Variants in PANX1 observed in about 807,000 individuals in gnomAD.
The protein encoded by PANX1 is pannexin 1, also known as pannexin-1.
A neutral mutation model predicts 38.7 loss-of-function variants in PANX1; 30 were observed. The observed-to-expected ratio is 0.78, with a 90% CI of 0.58 to 1.05. PANX1 has a LOEUF of 1.05. PANX1 is among the 50% of genes least tolerant of loss of function. PANX1 has a pLI of 0.00. For synonymous variants in PANX1, 230 were observed against 212.2 expected, an observed-to-expected ratio of 1.08 and a Z score of -0.73; for missense variants, 551 against 517.2, an observed-to-expected ratio of 1.07 and a Z score of -0.63.
intron 2 of PANX1, among the ~76,000 whole-genome samples, chr11:94,159,175 G>T (rs137988483): frequency 6.6e-6 from 1 of 151,916 alleles, no homozygotes; most frequent in African/African-American, 2.4e-5. Context: ...GGATTTTTGC[G>T]TCGATGTTCA....
intron 2 of PANX1, among the ~76,000 whole-genome samples, chr11:94,167,010 G>C (rs1186878501): frequency 6.6e-6 from 1 of 152,170 alleles, no homozygotes; most frequent in Non-Finnish European, 1.5e-5. Context: ...TCAGTTGGTG[G>C]TGAAGCCAGC....
At position 94,153,583 on chromosome 11, in the gene PANX1, AACTC is replaced by A; in HGVS notation, c.278_281del (p.Ser93CysfsTer46). On this transcript the variant is annotated frameshift_variant, in exon 2 of 5. Coordinates refer to ENST00000227638, the MANE Select transcript of PANX1 (RefSeq NM_015368.4). LOFTEE classifies it high-confidence loss of function. ...TTGCTGGGCGGCTGTTCAGCAGAAGAACTCACTGCAGAGCGAGTCTGGAAACCTC... is the reference window on the plus strand; with the variant it reads ...TTGCTGGGCGGCTGTTCAGCAGAAGAACTGCAGAGCGAGTCTGGAAACCTC... 2 of 1,613,988 alleles carry A rather than the reference AACTC, an allele frequency of 1.2e-6. No homozygotes were observed. Among genetic ancestry groups the A allele is most frequent in the Non-Finnish European group, 1.7e-6 (2 of 1,179,902 alleles).
chr11:94,177,573 G>A (rs3020014), intron 2 of PANX1, among the ~76,000 whole-genome samples: 107,152 of 152,098 alleles, frequency 0.7, 38,414 homozygotes, highest in African/African-American at 0.84. Context: ...TGCAATTTAC[G>A]GTCTTCCTAA....
chr11:94,145,125 C>T (rs946897213), intron 1 of PANX1, among the ~76,000 whole-genome samples: 2 of 152,148 alleles, frequency 1.3e-5, no homozygotes, highest in African/African-American at 4.8e-5. Flanking sequence ...CAAGTAACAA[C>T]ATGTGGATGA....
At chr11:94,162,913 C>A (rs1358835583) in intron 2 of PANX1, among the ~76,000 whole-genome samples, 1 of 122,036 alleles carries the variant, frequency 8.2e-6, no homozygotes, top group African/African-American at 3.3e-5. Context: ...ACTTTGTCAC[C>A]CAGGCCTGAG....
chr11:94,175,761 T>C, intron 2 of PANX1: 1 of 984,854 alleles, frequency 1.0e-6, no homozygotes, highest in African/African-American at 1.8e-5. Flanking sequence ...CTATGAATTA[T>C]GCAGCCAAAA....
At chr11:94,136,707 G>T (rs936742332) in intron 1 of PANX1, among the ~76,000 whole-genome samples, 1 of 152,092 alleles carries the variant, frequency 6.6e-6, no homozygotes, top group Non-Finnish European at 1.5e-5. Context: ...GGCGGAGCTT[G>T]CAGTGAGCCG....
intron 1 of PANX1, among the ~76,000 whole-genome samples, chr11:94,132,005 G>A (rs1404525236): frequency 2.0e-5 from 3 of 152,198 alleles, no homozygotes; most frequent in Non-Finnish European, 4.4e-5. Context: ...TCCTTCCTCT[G>A]TTGATAATTA....
chr11:94,172,940 T>C (rs1210043233), intron 2 of PANX1, among the ~76,000 whole-genome samples: 1 of 151,794 alleles, frequency 6.6e-6, no homozygotes, highest in Admixed American at 6.5e-5. Flanking sequence ...CACTCCAGAA[T>C]GTCACCCAGT....
At chr11:94,165,697 G>A (rs1030966855) in intron 2 of PANX1, among the ~76,000 whole-genome samples, 1 of 152,072 alleles carries the variant, frequency 6.6e-6, no homozygotes, top group Admixed American at 6.5e-5. Flanking sequence ...GATCACATGA[G>A]GTCAGGAATT....
At chr11:94,129,990 T>G (rs1194153606) in intron 1 of PANX1, among the ~76,000 whole-genome samples, 1 of 152,236 alleles carries the variant, frequency 6.6e-6, no homozygotes, top group Non-Finnish European at 1.5e-5. Context: ...GGGTTGTGAA[T>G]GATAGGAAAT....
chr11:94,152,845 AC>A (rs1184210856), intron 1 of PANX1, among the ~76,000 whole-genome samples: 1 of 152,134 alleles, frequency 6.6e-6, no homozygotes, highest in Non-Finnish European at 1.5e-5. Context: ...CCCCACCAGG[AC>A]CCAGGTCTTC....
intron 2 of PANX1, among the ~76,000 whole-genome samples, chr11:94,156,472 C>T (rs1370775745): frequency 1.3e-5 from 2 of 152,142 alleles, no homozygotes; most frequent in African/African-American, 4.8e-5. Context: ...TATTAACACT[C>T]CTTGGCATTT....
intron 2 of PANX1, among the ~76,000 whole-genome samples, chr11:94,172,611 A>G (rs1267198166): frequency 6.6e-6 from 1 of 151,790 alleles, no homozygotes; most frequent in Non-Finnish European, 1.5e-5. Flanking sequence ...CTTTTGCACT[A>G]TAATGGCAGA....
chr11:94,176,443 T>C (rs924618776), intron 2 of PANX1, among the ~76,000 whole-genome samples: 7 of 151,720 alleles, frequency 4.6e-5, no homozygotes, highest in Non-Finnish European at 5.9e-5. Flanking sequence ...AAACTACTAC[T>C]GTACTTTACA....
chr11:94,129,484 A>T lies in PANX1; in HGVS notation c.172A>T (p.Ile58Phe). 1 of 1,608,486 alleles carries T rather than the reference A, an allele frequency of 6.2e-7. No individual in the cohort carries two copies. The highest frequency in any genetic ancestry group is 8.5e-7 in the Non-Finnish European group (1 of 1,176,616). The change falls in exon 1 of 5, where the codon ATC becomes TTC. Residue 58 changes from isoleucine to phenylalanine, a missense_variant. By Grantham distance (21) the Ile-to-Phe change is conservative. Transcript: ENST00000227638. Reference sequence around the variant, plus strand: ...CATCTCGCTGGCCTTCGCGCAGGAGATCTCGATTGGTAAGCCTCGCCCAGG... The same window carrying T: ...CATCTCGCTGGCCTTCGCGCAGGAGTTCTCGATTGGTAAGCCTCGCCCAGG... Reference protein sequence around the residue: ...LLISLAFAQEISIGTQISCFS... With the variant: ...LLISLAFAQEFSIGTQISCFS...
intron 4 of PANX1, 146 bp from the exon 5 acceptor site, chr11:94,180,644 C>A: frequency 1.7e-6 from 1 of 577,264 alleles, no homozygotes; most frequent in Non-Finnish European, 3.1e-6. Flanking sequence ...TCAAAGGGGA[C>A]TAAAAGTTTA....
At chr11:94,159,731 G>C (rs1013171442) in intron 2 of PANX1, among the ~76,000 whole-genome samples, 1 of 151,748 alleles carries the variant, frequency 6.6e-6, no homozygotes, top group Non-Finnish European at 1.5e-5. Flanking sequence ...ATTTCCTTCA[G>C]TTCTGCCCTG....
intron 2 of PANX1, among the ~76,000 whole-genome samples, chr11:94,164,079 TC>T: frequency 6.6e-6 from 1 of 152,216 alleles, no homozygotes; most frequent in Non-Finnish European, 1.5e-5. Context: ...TGATAATGTC[TC>T]CTTTTTTGTC....
Sources: gnomAD v4.1 joint callset for allele counts (sites outside exome capture counted in the v4.1 genomes callset) on GRCh38, gnomAD v4.1.1 for gene constraint, MANE v1.5 for transcripts, NCBI Gene and HGNC (gene_info 2026-07-23, HGNC 2026-07-21) for gene names.